The following ANKS1A variants were observed in gnomAD, a reference collection of about 807,000 sequenced individuals.
The protein encoded by ANKS1A is ankyrin repeat and sterile alpha motif domain containing 1A.
ANKS1A carries 55 observed loss-of-function variants against 120.3 expected under a neutral mutation model. The observed-to-expected ratio is 0.46, with a 90% CI of 0.37 to 0.57. The LOEUF (loss-of-function observed/expected upper bound fraction) is 0.57, where lower values mean the gene tolerates loss of function less well. Among genes scored for constraint, ANKS1A ranks in the 20% least tolerant of loss-of-function variants. The probability of loss-of-function intolerance (pLI) is 0.00; values close to 1 mark genes in which losing one functional copy is unlikely to be tolerated. For missense variants in ANKS1A, 1,123 were observed against 1,480.3 expected (o/e 0.76, Z 3.96); for synonymous variants, 590 against 604.7 (o/e 0.98, Z 0.36).
intron 1 of ANKS1A, among the ~76,000 whole-genome samples, chr6:34,956,938 C>G (rs561352741): frequency 7.2e-5 from 11 of 152,236 alleles, no homozygotes; most frequent in Admixed American, 6.5e-4. Flanking sequence ...TGTATTAAGT[C>G]CCAGTTTTCA....
chr6:35,004,245 T>C (rs1245540510), intron 10 of ANKS1A, among the ~76,000 whole-genome samples: 1 of 152,138 alleles, frequency 6.6e-6, no homozygotes, highest in African/African-American at 2.4e-5. Context: ...CCCAGCTGAT[T>C]AAAGCCACTC....
chr6:34,994,509 CTA>C (rs1772748064), intron 10 of ANKS1A, 87 bp downstream of exon 10: 2 of 1,534,384 alleles, frequency 1.3e-6, no homozygotes, highest in Admixed American at 3.6e-5. Context: ...GATGTCGTAA[CTA>C]TGATATTCCT....
At chr6:34,975,302 A>C (rs1156420184) in intron 3 of ANKS1A, among the ~76,000 whole-genome samples, 31 of 152,052 alleles carry the variant, frequency 2.0e-4, no homozygotes, top group Admixed American at 2.0e-3. Context: ...AAAAATACAA[A>C]AATTAGCTGG....
chr6:34,952,289 A>G (rs1770128324), intron 1 of ANKS1A, among the ~76,000 whole-genome samples: 1 of 152,238 alleles, frequency 6.6e-6, no homozygotes, highest in Admixed American at 6.5e-5. Flanking sequence ...TTTTAGATGC[A>G]AAGTTCCAAG....
chr6:34,934,298 C>G (rs1211332703), intron 1 of ANKS1A, among the ~76,000 whole-genome samples: 1 of 152,100 alleles, frequency 6.6e-6, no homozygotes, highest in African/African-American at 2.4e-5. Flanking sequence ...CAGGCGCCCA[C>G]CACCATGCCC....
At chr6:34,979,780 G>A (rs927406921) in intron 3 of ANKS1A, among the ~76,000 whole-genome samples, 8 of 152,272 alleles carry the variant, frequency 5.3e-5, no homozygotes, top group South Asian at 2.1e-4. Context: ...AGAATAAGCT[G>A]ACTTTCTTGG....
At chr6:34,999,892 A>G (rs1311481973) in intron 10 of ANKS1A, among the ~76,000 whole-genome samples, 1 of 152,050 alleles carries the variant, frequency 6.6e-6, no homozygotes, top group Non-Finnish European at 1.5e-5. Flanking sequence ...AGAAAAGAGA[A>G]AGAGAGACAG....
intron 10 of ANKS1A, among the ~76,000 whole-genome samples, chr6:35,006,174 C>A (rs1228844732): frequency 1.7e-5 from 2 of 120,776 alleles, no homozygotes; most frequent in Admixed American, 9.8e-5. Flanking sequence ...GGTGACAGAG[C>A]AAGACTCTGT....
At chr6:34,985,348 G>C in intron 8 of ANKS1A, 70 bp downstream of exon 8, 1 of 1,489,152 alleles carries the variant, frequency 6.7e-7, no homozygotes, top group Non-Finnish European at 9.1e-7. Flanking sequence ...GATGGGGCAC[G>C]GGGAAGGGAA....
intron 1 of ANKS1A, among the ~76,000 whole-genome samples, chr6:34,951,469 G>C (rs1056098697): frequency 6.6e-6 from 1 of 152,138 alleles, no homozygotes; most frequent in African/African-American, 2.4e-5. Context: ...ACACGTGTCA[G>C]TTGCATGTGT....
At chr6:34,991,627 CAT>C (rs1163148981) in intron 9 of ANKS1A, among the ~76,000 whole-genome samples, 2 of 147,038 alleles carry the variant, frequency 1.4e-5, no homozygotes, top group East Asian at 2.0e-4. Flanking sequence ...TATACACACA[CAT>C]ATATACATAT....
Position 35,060,323 on chromosome 6 carries a change from CT to C in ANKS1A, c.2184+71del. 7.3e-7 allele frequency: 1 copy of C among 1,374,954 alleles called. No individual in the cohort carries two copies. Among genetic ancestry groups the C allele is most frequent in the Non-Finnish European group, 1.0e-6 (1 of 984,686 alleles). The allele number at this position is 1,374,954 out of a possible 1,614,324, so 85.2% of individuals were successfully genotyped here. A position where few individuals can be genotyped will look rare whatever the true frequency, so the allele number is the denominator to read the frequency against. On this transcript the variant is annotated intron_variant, in intron 13 of 23. Transcript: ENST00000360359. The surrounding 1 kb of genome is among the most constrained non-coding windows in gnomAD (Gnocchi z 4.5). ...GAAACAGGCCTCCCTGGCCTCCCCT[CT>C]GGCCCCACAGGAGTCTGCAACAGTA...
chr6:34,985,349 G>A, intron 8 of ANKS1A, 71 bp downstream of exon 8: 2 of 1,475,192 alleles, frequency 1.4e-6, no homozygotes, highest in Non-Finnish European at 1.8e-6. Flanking sequence ...ATGGGGCACG[G>A]GGAAGGGAAG....
At chr6:34,907,607 G>A (rs974365739) in intron 1 of ANKS1A, among the ~76,000 whole-genome samples, 13 of 152,154 alleles carry the variant, frequency 8.5e-5, no homozygotes, top group Admixed American at 2.6e-4. Flanking sequence ...TCTGTAAAAC[G>A]TTGACATAAG....
intron 10 of ANKS1A, among the ~76,000 whole-genome samples, chr6:35,008,239 G>T (rs576401828): frequency 1.3e-5 from 2 of 152,052 alleles, no homozygotes; most frequent in Non-Finnish European, 2.9e-5. Flanking sequence ...TAAATAGACG[G>T]GGTCTCGCTC....
At chr6:35,020,428 G>T (rs1237684124) in intron 11 of ANKS1A, among the ~76,000 whole-genome samples, 1 of 152,148 alleles carries the variant, frequency 6.6e-6, no homozygotes, top group Non-Finnish European at 1.5e-5. Flanking sequence ...ATATCCAAAT[G>T]GTGTTCTGGA....
intron 3 of ANKS1A, 73 bp downstream of exon 3, chr6:34,970,239 C>A: frequency 6.8e-7 from 1 of 1,475,392 alleles, no homozygotes; most frequent in Non-Finnish European, 9.1e-7. Flanking sequence ...ACCATCTTAG[C>A]CCCATAGTTC....
intron 1 of ANKS1A, among the ~76,000 whole-genome samples, chr6:34,951,184 G>A (rs1462833801): frequency 1.3e-5 from 2 of 152,050 alleles, no homozygotes; most frequent in Non-Finnish European, 2.9e-5. Context: ...TCTTTAGAAT[G>A]CCTTGCCTCG....
chr6:34,915,314 G>A (rs1269118583), intron 1 of ANKS1A, among the ~76,000 whole-genome samples: 1 of 152,168 alleles, frequency 6.6e-6, no homozygotes, highest in Non-Finnish European at 1.5e-5. Flanking sequence ...TGCAGCTGTC[G>A]GGAAAAAGTG....
Sources: allele counts gnomAD v4.1 joint callset (sites outside exome capture counted in the v4.1 genomes callset), GRCh38; gene constraint gnomAD v4.1.1; non-coding constraint Gnocchi (gnomAD v3.1); transcripts MANE v1.5; gene names NCBI Gene and HGNC (gene_info 2026-07-23, HGNC 2026-07-21).